Variants in SHTN1 observed in about 807,000 individuals in gnomAD.
SHTN1 encodes the protein shootin 1.
A neutral mutation model predicts 83.1 loss-of-function variants in SHTN1; 42 were observed. The observed-to-expected ratio is 0.51, with a 90% CI of 0.39 to 0.65. SHTN1 has a LOEUF of 0.65. SHTN1 is among the 30% of genes least tolerant of loss of function. The probability of loss-of-function intolerance (pLI) is 0.00; values close to 1 mark genes in which losing one functional copy is unlikely to be tolerated. For synonymous variants in SHTN1, 224 were observed against 247.7 expected, an observed-to-expected ratio of 0.90 and a Z score of 0.90; for missense variants, 622 against 737.8, an observed-to-expected ratio of 0.84 and a Z score of 1.82.
At chr10:116,984,811 C>T (rs1327007386) in intron 1 of SHTN1, among the ~76,000 whole-genome samples, 1 of 152,102 alleles carries the variant, frequency 6.6e-6, no homozygotes, top group Admixed American at 6.6e-5. Flanking sequence ...TTCAAAAGAC[C>T]TTATCTTTAC....
chr10:117,039,726 A>G (rs536115505), intron 2 of SHTN1, among the ~76,000 whole-genome samples: 2 of 151,752 alleles, frequency 1.3e-5, no homozygotes, highest in African/African-American at 4.8e-5. Context: ...GGTGGTGGGC[A>G]CCTGTAGTCC....
chr10:117,048,438 T>C, intron 2 of SHTN1: 2 of 982,198 alleles, frequency 2.0e-6, no homozygotes, highest in Middle Eastern at 5.2e-4. Context: ...ACGGTCTTGT[T>C]ACCTACCCCC....
At chr10:117,020,786 C>A (rs1021184393) in intron 2 of SHTN1, among the ~76,000 whole-genome samples, 9 of 151,870 alleles carry the variant, frequency 5.9e-5, no homozygotes, top group Admixed American at 3.3e-4. Context: ...ACAAAAGCAA[C>A]AAAATTTTAC....
chr10:116,987,952 G>C (rs1405403600), intron 1 of SHTN1, among the ~76,000 whole-genome samples: 1 of 151,726 alleles, frequency 6.6e-6, no homozygotes, highest in African/African-American at 2.4e-5. Flanking sequence ...TGGGTGCCAA[G>C]GATTTGTAGT....
chr10:117,055,123 C>G (rs575465396), intron 1 of SHTN1, among the ~76,000 whole-genome samples: 1 of 152,152 alleles, frequency 6.6e-6, no homozygotes, highest in Non-Finnish European at 1.5e-5. Context: ...AAAAGCCAGA[C>G]ACTTCTAAAC....
chr10:116,957,064 C>T (rs547657872), intron 4 of SHTN1, among the ~76,000 whole-genome samples: 1 of 152,018 alleles, frequency 6.6e-6, no homozygotes, highest in African/African-American at 2.4e-5. Flanking sequence ...ACTGGGATTA[C>T]AGGAGTGAGC....
At chr10:117,065,983 T>G (rs1228776746) in intron 1 of SHTN1, among the ~76,000 whole-genome samples, 1 of 150,912 alleles carries the variant, frequency 6.6e-6, no homozygotes, top group Non-Finnish European at 1.5e-5. Flanking sequence ...GTGGGAGGCT[T>G]GAGGCCAGGA....
At chr10:117,059,707 G>A (rs758980417) in intron 1 of SHTN1, among the ~76,000 whole-genome samples, 15 of 152,124 alleles carry the variant, frequency 9.9e-5, no homozygotes, top group African/African-American at 3.6e-4. Flanking sequence ...TGGTTGCTAG[G>A]GTTTGGTGGT....
intron 16 of SHTN1, among the ~76,000 whole-genome samples, chr10:116,890,019 T>C (rs1385073154): frequency 6.6e-6 from 1 of 152,168 alleles, no homozygotes; most frequent in African/African-American, 2.4e-5. Context: ...GCATCAGTGA[T>C]GGTGCCAAGA....
intron 1 of SHTN1, among the ~76,000 whole-genome samples, chr10:117,060,384 T>C (rs972764641): frequency 6.6e-6 from 1 of 152,186 alleles, no homozygotes; most frequent in East Asian, 1.9e-4. Flanking sequence ...TTGATAGATA[T>C]AAAGGGAAGC....
At chr10:117,065,018 A>G (rs1204056152) in intron 1 of SHTN1, among the ~76,000 whole-genome samples, 1 of 152,162 alleles carries the variant, frequency 6.6e-6, no homozygotes. Flanking sequence ...TCACTTAAGA[A>G]AGGTGGACTA....
chr10:117,081,310 T>C (rs1853258256), intron 1 of SHTN1, among the ~76,000 whole-genome samples: 1 of 150,964 alleles, frequency 6.6e-6, no homozygotes, highest in Admixed American at 6.6e-5. Context: ...TTTTTGTCTT[T>C]GGCTCTGTTT....
chr10:116,925,577 A>G (rs1206421693), intron 11 of SHTN1, among the ~76,000 whole-genome samples: 1 of 152,180 alleles, frequency 6.6e-6, no homozygotes, highest in Non-Finnish European at 1.5e-5. Flanking sequence ...CCAACTCCTT[A>G]TAATAAATCT....
At chr10:117,099,714 G>A (rs548844653) in intron 1 of SHTN1, among the ~76,000 whole-genome samples, 2 of 152,190 alleles carry the variant, frequency 1.3e-5, no homozygotes, top group African/African-American at 2.4e-5. Context: ...TCTAGGAGGC[G>A]CTCCATGAAT....
intron 5 of SHTN1, among the ~76,000 whole-genome samples, chr10:116,953,316 T>G (rs1382368440): frequency 6.6e-6 from 1 of 152,188 alleles, no homozygotes; most frequent in Non-Finnish European, 1.5e-5. Context: ...GCTAAATATA[T>G]TTTTATTCAT....
chr10:117,045,320 T>C (rs751060697), intron 2 of SHTN1, among the ~76,000 whole-genome samples: 37 of 152,188 alleles, frequency 2.4e-4, no homozygotes, highest in Non-Finnish European at 5.9e-5. Flanking sequence ...TAAAAATGAC[T>C]TGATCTTGGT....
At chr10:117,123,049 C>A (rs936437972) in intron 1 of SHTN1, among the ~76,000 whole-genome samples, 1 of 152,174 alleles carries the variant, frequency 6.6e-6, no homozygotes, top group Admixed American at 6.5e-5. Context: ...GTTGCCCAGG[C>A]TGGAGTGCAA....
At chr10:117,047,374 AT>A (rs201317943) in intron 2 of SHTN1, among the ~76,000 whole-genome samples, 2 of 150,510 alleles carry the variant, frequency 1.3e-5, no homozygotes, top group Admixed American at 6.6e-5. Flanking sequence ...CCTCAAAAAT[AT>A]TTTTTTTTAA....
chr10:116,917,586 C>T (rs1848422656), intron 12 of SHTN1, among the ~76,000 whole-genome samples: 1 of 152,172 alleles, frequency 6.6e-6, no homozygotes, highest in Non-Finnish European at 1.5e-5. Context: ...GTGATAGGAA[C>T]ACCGCCTACA....
Sources: gnomAD v4.1 joint callset for allele counts (sites outside exome capture counted in the v4.1 genomes callset) on GRCh38, gnomAD v4.1.1 for gene constraint, MANE v1.5 for transcripts, NCBI Gene and HGNC (gene_info 2026-07-23, HGNC 2026-07-21) for gene names.